The following SLC9A9 variants were observed in gnomAD, a reference collection of about 807,000 sequenced individuals.
SLC9A9 encodes sodium/hydrogen exchanger 9.
A neutral mutation model predicts 77.8 loss-of-function variants in SLC9A9; 62 were observed. That is an observed-to-expected ratio of 0.80 (90% confidence interval 0.65 to 0.98). SLC9A9 has a LOEUF of 0.98. Among genes scored for constraint, SLC9A9 ranks in the 50% least tolerant of loss-of-function variants. SLC9A9 has a pLI of 0.00. For missense variants in SLC9A9, 775 were observed against 774.9 expected (o/e 1.00, Z 0.00); for synonymous variants, 320 against 283.5 (o/e 1.13, Z -1.29).
At chr3:143,493,788 T>C (rs748845522) in intron 10 of SLC9A9, 24 bp from the exon 11 acceptor site, 9 of 1,516,358 alleles carry the variant, frequency 5.9e-6, no homozygotes, top group South Asian at 1.1e-5. Context: ...CAGGGAAACA[T>C]TGAGGAAAGT....
At chr3:143,700,028 G>A (rs1443656854) in intron 4 of SLC9A9, among the ~76,000 whole-genome samples, 2 of 151,952 alleles carry the variant, frequency 1.3e-5, no homozygotes, top group Non-Finnish European at 2.9e-5. Flanking sequence ...AGTCAGAGTT[G>A]TGAGGCCCCT....
chr3:143,734,757 C>T (rs114850217), intron 4 of SLC9A9, among the ~76,000 whole-genome samples: 8 of 148,862 alleles, frequency 5.4e-5, no homozygotes, highest in African/African-American at 1.7e-4. Context: ...AAAAAAGATA[C>T]GTAGACTCTT....
intron 4 of SLC9A9, among the ~76,000 whole-genome samples, chr3:143,716,230 A>T (rs1450258716): frequency 6.6e-6 from 1 of 152,030 alleles, no homozygotes; most frequent in Non-Finnish European, 1.5e-5. Flanking sequence ...GTGTGCCACC[A>T]TGCCAGGCTC....
chr3:143,772,717 C>A (rs1185260726), intron 4 of SLC9A9, among the ~76,000 whole-genome samples: 1 of 152,180 alleles, frequency 6.6e-6, no homozygotes, highest in Non-Finnish European at 1.5e-5. Context: ...GTGGTTGCCC[C>A]AAGTCCGGTT....
chr3:143,697,689 TACAC>T (rs144005213), intron 4 of SLC9A9, among the ~76,000 whole-genome samples: 2,246 of 148,510 alleles, frequency 0.015, 33 homozygotes, highest in African/African-American at 0.035. Flanking sequence ...TGTGTGTGAG[TACAC>T]ACACACACAC....
chr3:143,710,801 T>C (rs1485296054), intron 4 of SLC9A9, among the ~76,000 whole-genome samples: 1 of 152,192 alleles, frequency 6.6e-6, no homozygotes, highest in Non-Finnish European at 1.5e-5. Context: ...TCCAGAAAAT[T>C]TTCCATCCCT....
At chr3:143,693,467 ATC>A (rs1933539740) in intron 4 of SLC9A9, among the ~76,000 whole-genome samples, 160 bp from the exon 5 acceptor site, 3 of 152,164 alleles carry the variant, frequency 2.0e-5, no homozygotes, top group African/African-American at 7.2e-5. Flanking sequence ...GTACACTGGA[ATC>A]TCTTGGCTAT....
chr3:143,496,947 C>G (rs112256450), intron 9 of SLC9A9, among the ~76,000 whole-genome samples: 2,442 of 152,228 alleles, frequency 0.016, 38 homozygotes, highest in Middle Eastern at 0.058. Context: ...CAAAGGCCAT[C>G]TACTCGCTAT....
chr3:143,467,303 T>C, intron 11 of SLC9A9, 113 bp from the exon 12 acceptor site: 4 of 1,200,058 alleles, frequency 3.3e-6, no homozygotes, highest in South Asian at 2.7e-5. Flanking sequence ...TCTTTTTATT[T>C]TGAGATAATT....
At chr3:143,454,235 TTACA>T (rs2035052149) in intron 12 of SLC9A9, among the ~76,000 whole-genome samples, 1 of 152,208 alleles carries the variant, frequency 6.6e-6, no homozygotes, top group African/African-American at 2.4e-5. Context: ...CTAAAGTGAT[TTACA>T]GATTGGCTGT....
chr3:143,723,568 C>A (rs552688562), intron 4 of SLC9A9, among the ~76,000 whole-genome samples: 4 of 152,304 alleles, frequency 2.6e-5, no homozygotes, highest in African/African-American at 7.2e-5. Flanking sequence ...TTTGCCCTAT[C>A]GAAAATGTGT....
Position 143,735,260 on chromosome 3 carries a change from A to G in SLC9A9, c.534-41953T>C, listed in dbSNP as rs140500047. ...AATGGTTAAAGCTTCTGCAATCAAT[A>G]ATGTGAAGCAGCAAAGTGAACAATA... On this transcript the variant is annotated intron_variant, in intron 4 of 15. Transcript: ENST00000316549. Among the ~76,000 whole-genome samples the G allele has an allele frequency of 1.7e-3, 252 of 152,342 alleles. 1 individual carries two copies. Among genetic ancestry groups the G allele is most frequent in the African/African-American group, 5.9e-3 (244 of 41,578 alleles).
At chr3:143,592,275 C>T (rs2037660640) in intron 6 of SLC9A9, among the ~76,000 whole-genome samples, 1 of 152,170 alleles carries the variant, frequency 6.6e-6, no homozygotes, top group South Asian at 2.1e-4. Context: ...GCCTGTAATC[C>T]CAGCACTTTG....
At chr3:143,726,251 G>GAAAAAAGAA in intron 4 of SLC9A9, among the ~76,000 whole-genome samples, 1 of 136,922 alleles carries the variant, frequency 7.3e-6, no homozygotes, top group Non-Finnish European at 1.5e-5. Flanking sequence ...AATAAAAAAA[G>GAAAAAAGAA]AAAAAAAAAA....
intron 14 of SLC9A9, among the ~76,000 whole-genome samples, chr3:143,279,973 T>A (rs559735714): frequency 6.6e-6 from 1 of 152,276 alleles, no homozygotes; most frequent in Admixed American, 6.5e-5. Context: ...GCATGTGCCA[T>A]GATACCCAGT....
At chr3:143,411,530 C>G (rs1559904203) in intron 12 of SLC9A9, among the ~76,000 whole-genome samples, 3 of 152,298 alleles carry the variant, frequency 2.0e-5, no homozygotes, top group South Asian at 4.1e-4. Flanking sequence ...TCTTCCAGAA[C>G]ACGAACTCTA....
intron 12 of SLC9A9, among the ~76,000 whole-genome samples, chr3:143,417,311 T>TC (rs2034213267): frequency 6.6e-6 from 1 of 151,840 alleles, no homozygotes; most frequent in Non-Finnish European, 1.5e-5. Context: ...AAATTTGCCT[T>TC]CCCCCCAAAG....
chr3:143,395,089 A>G (rs947311560), intron 12 of SLC9A9, among the ~76,000 whole-genome samples: 162 of 152,332 alleles, frequency 1.1e-3, no homozygotes, highest in Non-Finnish European at 1.7e-3. Flanking sequence ...ACAGAATTGG[A>G]AAAAACTACT....
chr3:143,785,949 C>T (rs780055515), intron 4 of SLC9A9, among the ~76,000 whole-genome samples: 6 of 150,564 alleles, frequency 4.0e-5, no homozygotes, highest in Non-Finnish European at 5.9e-5. Context: ...CTCCGCCTCC[C>T]GGGTTCACGC....
Sources: gnomAD v4.1 joint callset for allele counts (sites outside exome capture counted in the v4.1 genomes callset) on GRCh38, gnomAD v4.1.1 for gene constraint, MANE v1.5 for transcripts, NCBI Gene and HGNC (gene_info 2026-07-23, HGNC 2026-07-21) for gene names.